The following SGCD variants were observed in gnomAD, a reference collection of about 807,000 sequenced individuals.
The protein encoded by SGCD is sarcoglycan delta, also known as delta-sarcoglycan.
In SGCD, 18 loss-of-function variants were observed where a neutral mutation model predicts 36.6. The ratio of observed to expected loss-of-function variants is 0.49; its 90% CI spans 0.34 to 0.73. SGCD has a LOEUF of 0.73. SGCD is among the 30% of genes least tolerant of loss of function. The probability of loss-of-function intolerance (pLI) is 0.01; values close to 1 mark genes in which losing one functional copy is unlikely to be tolerated. For synonymous variants in SGCD, 133 were observed against 130.6 expected (o/e 1.02, Z -0.12); for missense variants, 387 against 346.7 (o/e 1.12, Z -0.92).
At chr5:155,949,571 A>G (rs1000723973) in intron 1 of SGCD, among the ~76,000 whole-genome samples, 1 of 152,210 alleles carries the variant, frequency 6.6e-6, no homozygotes, top group Admixed American at 6.5e-5. Context: ...ACTCTATCTC[A>G]GAGGTCAGCG....
At chr5:156,450,072 G>A (rs1753940474) in intron 3 of SGCD, among the ~76,000 whole-genome samples, 1 of 152,060 alleles carries the variant, frequency 6.6e-6, no homozygotes, top group African/African-American at 2.4e-5. Context: ...CCCTCCTTTT[G>A]TAACCCTTCA....
chr5:155,912,212 C>A (rs908461670), intron 1 of SGCD, among the ~76,000 whole-genome samples: 5 of 151,980 alleles, frequency 3.3e-5, no homozygotes, highest in African/African-American at 1.2e-4. Context: ...GGTGGAACCC[C>A]ACGTGTGCTC....
the SGCD span, among the ~76,000 whole-genome samples, chr5:155,757,133 G>T: frequency 6.6e-6 from 1 of 152,178 alleles, no homozygotes; most frequent in African/African-American, 2.4e-5. Context: ...TTTCTGAGGA[G>T]GGTGGTGGCA....
At chr5:156,139,876 A>C (rs1388227583) in intron 3 of SGCD, among the ~76,000 whole-genome samples, 1 of 152,226 alleles carries the variant, frequency 6.6e-6, no homozygotes, top group Non-Finnish European at 1.5e-5. Flanking sequence ...TGACTAAATC[A>C]TGAGGTTTCA....
At chr5:156,220,084 A>G (rs1764680750) in intron 3 of SGCD, among the ~76,000 whole-genome samples, 1 of 152,180 alleles carries the variant, frequency 6.6e-6, no homozygotes, top group African/African-American at 2.4e-5. Context: ...ACTTTTAGTT[A>G]AAACCTGATA....
At chr5:156,455,449 CT>C (rs33933820) in intron 3 of SGCD, among the ~76,000 whole-genome samples, 112,971 of 147,598 alleles carry the variant, frequency 0.77, 43,613 homozygotes, top group African/African-American at 0.91. Flanking sequence ...ATTTCAAAGA[CT>C]TTTTTTTTTT....
In SGCD at chr5:156,512,543, A is replaced by G. The variant is rs115235711; in HGVS notation, c.294+3841A>G. On this transcript the variant is annotated intron_variant, in intron 4 of 8. Coordinates refer to ENST00000337851, the MANE Select transcript of SGCD (RefSeq NM_000337.6). The stretch of plus-strand genomic sequence containing the variant: ...TGCAATGGCAAAATCACCTAATGAC[A>G]TGTTTCTCATAATGTATCCTCATGA... Among the ~76,000 whole-genome samples, 365 of 152,290 alleles carry G rather than the reference A, an allele frequency of 2.4e-3. 2 individuals carry two copies. Among genetic ancestry groups the G allele is most frequent in the African/African-American group, 8.5e-3 (355 of 41,550 alleles).
intron 3 of SGCD, among the ~76,000 whole-genome samples, chr5:156,163,748 C>T (rs1002388196): frequency 5.3e-5 from 8 of 151,398 alleles, no homozygotes; most frequent in East Asian, 1.9e-4. Flanking sequence ...CGGCCGGGCG[C>T]GGTGGCTCAC....
At chr5:156,416,492 C>T (rs1773043321) in intron 3 of SGCD, among the ~76,000 whole-genome samples, 2 of 152,054 alleles carry the variant, frequency 1.3e-5, no homozygotes, top group Admixed American at 1.3e-4. Context: ...CAAATGCCAC[C>T]TGTTCCCCAA....
chr5:156,472,170 C>T (rs1452622150), intron 3 of SGCD, among the ~76,000 whole-genome samples: 2 of 152,086 alleles, frequency 1.3e-5, no homozygotes, highest in South Asian at 2.1e-4. Flanking sequence ...TGTAAAAAAG[C>T]GTAACTACGT....
intron 3 of SGCD, among the ~76,000 whole-genome samples, chr5:156,494,897 G>A (rs1257834213): frequency 2.0e-5 from 3 of 151,878 alleles, no homozygotes; most frequent in African/African-American, 7.3e-5. Context: ...ACTTCATCTG[G>A]GATTCTTAGA....
chr5:156,295,898 A>C (rs1250516678), intron 3 of SGCD, among the ~76,000 whole-genome samples: 2 of 152,214 alleles, frequency 1.3e-5, no homozygotes, highest in Admixed American at 1.3e-4. Context: ...AATCACATAA[A>C]ATAACAGAAG....
At chr5:156,556,455 T>G (rs923099499) in intron 4 of SGCD, among the ~76,000 whole-genome samples, 19 of 152,168 alleles carry the variant, frequency 1.2e-4, no homozygotes, top group Admixed American at 9.8e-4. Flanking sequence ...ACTCTATCCT[T>G]TGTTTACAAC....
chr5:156,493,963 C>T (rs992252191), intron 3 of SGCD, among the ~76,000 whole-genome samples: 1 of 152,100 alleles, frequency 6.6e-6, no homozygotes, highest in Non-Finnish European at 1.5e-5. Flanking sequence ...TGCTATGGGT[C>T]CTCTTTTCTT....
intron 4 of SGCD, among the ~76,000 whole-genome samples, chr5:156,527,582 G>A (rs1165171672): frequency 2.0e-5 from 3 of 152,194 alleles, no homozygotes; most frequent in African/African-American, 7.2e-5. Flanking sequence ...CCTTGAGCAA[G>A]TTACTTCTCT....
chr5:156,750,957 C>T (rs1429468048), intron 7 of SGCD, among the ~76,000 whole-genome samples: 2 of 152,098 alleles, frequency 1.3e-5, no homozygotes. Flanking sequence ...GCTACAGTGT[C>T]CATGGATTGA....
chr5:155,865,087 G>C, the SGCD span, among the ~76,000 whole-genome samples: 1 of 137,612 alleles, frequency 7.3e-6, no homozygotes, highest in Admixed American at 7.0e-5. Flanking sequence ...CATAGCCATA[G>C]ATAGATAGAT....
chr5:156,260,337 G>A (rs1765826521), intron 3 of SGCD, among the ~76,000 whole-genome samples: 1 of 152,058 alleles, frequency 6.6e-6, no homozygotes, highest in South Asian at 2.1e-4. Context: ...TCAATTTAAG[G>A]AGAATGGACA....
intron 7 of SGCD, among the ~76,000 whole-genome samples, chr5:156,649,913 T>C (rs1280746270): frequency 6.6e-6 from 1 of 152,148 alleles, no homozygotes; most frequent in Non-Finnish European, 1.5e-5. Context: ...AGATATTTTT[T>C]CTATGGAACA....
Sources: gnomAD v4.1 joint callset for allele counts (sites outside exome capture counted in the v4.1 genomes callset) on GRCh38, gnomAD v4.1.1 for gene constraint, MANE v1.5 for transcripts, NCBI Gene and HGNC (gene_info 2026-07-23, HGNC 2026-07-21) for gene names.